Variants in TTLL5 observed in about 807,000 individuals in gnomAD.
The protein encoded by TTLL5 is tubulin polyglutamylase TTLL5.
Under a neutral mutation model 168.4 loss-of-function variants are expected in TTLL5, and 132 were observed. The ratio of observed to expected loss-of-function variants is 0.78; its 90% CI spans 0.68 to 0.91. The LOEUF (loss-of-function observed/expected upper bound fraction) is 0.91, where lower values mean the gene tolerates loss of function less well. Among genes scored for constraint, TTLL5 ranks in the 40% least tolerant of loss-of-function variants. The pLI is 0.00. For synonymous variants in TTLL5, 546 were observed against 558.6 expected, an observed-to-expected ratio of 0.98 and a Z score of 0.32; for missense variants, 1,545 against 1,581.5, an observed-to-expected ratio of 0.98 and a Z score of 0.39.
chr14:75,888,366 G>C (rs1203483935), intron 30 of TTLL5, among the ~76,000 whole-genome samples: 1 of 152,194 alleles, frequency 6.6e-6, no homozygotes, highest in Non-Finnish European at 1.5e-5. Flanking sequence ...TCTCATGCCT[G>C]CCTCCTGGGA....
At chr14:75,666,805 A>G (rs1374029449) in intron 2 of TTLL5, among the ~76,000 whole-genome samples, 1 of 152,194 alleles carries the variant, frequency 6.6e-6, no homozygotes, top group Non-Finnish European at 1.5e-5. Flanking sequence ...AATGATGTCT[A>G]TTTCTCATGA....
intron 27 of TTLL5, among the ~76,000 whole-genome samples, chr14:75,798,321 G>T (rs747555554): frequency 3.3e-5 from 5 of 151,488 alleles, no homozygotes; most frequent in Non-Finnish European, 7.4e-5. Context: ...GAGTTTATTT[G>T]GATCTTCTCT....
chr14:75,681,745 TGG>T, intron 4 of TTLL5, 118 bp downstream of exon 4: 5 of 780,192 alleles, frequency 6.4e-6, no homozygotes, highest in Non-Finnish European at 1.1e-5. Flanking sequence ...CAATGCTTAG[TGG>T]TGGTCCAGAA....
At chr14:75,882,334 C>T (rs959497770) in intron 29 of TTLL5, among the ~76,000 whole-genome samples, 5 of 152,114 alleles carry the variant, frequency 3.3e-5, no homozygotes, top group African/African-American at 1.2e-4. Context: ...CTTCACGCCT[C>T]GAAAGAGACA....
chr14:75,871,515 C>G (rs539763296), intron 29 of TTLL5, among the ~76,000 whole-genome samples: 1 of 151,852 alleles, frequency 6.6e-6, no homozygotes, highest in Non-Finnish European at 1.5e-5. Context: ...ATAAGGCATT[C>G]CAGCATTATT....
chr14:75,934,253 G>C (rs2034367190), intron 31 of TTLL5, among the ~76,000 whole-genome samples: 1 of 152,206 alleles, frequency 6.6e-6, no homozygotes, highest in Admixed American at 6.5e-5. Flanking sequence ...TTACATAAGG[G>C]TATGCCTTCC....
At chr14:75,689,976 G>C in intron 5 of TTLL5, 1 of 468,572 alleles carries the variant, frequency 2.1e-6, no homozygotes, top group Non-Finnish European at 3.7e-6. Context: ...AAATTTTACT[G>C]TATGGAGATT....
Position 75,766,288 on chromosome 14 carries a change from A to G in TTLL5, c.1935A>G (p.Gly645=), listed in dbSNP as rs1017236925. Residue 645 remains glycine (G), a synonymous_variant, in exon 20 of 32, where the codon GGA becomes GGG. Coordinates refer to ENST00000298832, the MANE Select transcript of TTLL5 (RefSeq NM_015072.5). Reference sequence around the variant, plus strand: ...TTCGTGAATGGAATAATAAAGGTGGACACTGCTGCAAACTTGAGACTCAGG... The same window carrying G: ...TTCGTGAATGGAATAATAAAGGTGGGCACTGCTGCAAACTTGAGACTCAGG... ...MKVREWNNKG[G]HCCKLETQEL... is the part of the protein sequence containing the mutation. The G allele has an allele frequency of 1.2e-6, 2 of 1,614,114 alleles. No individual in the cohort carries two copies. Among genetic ancestry groups the G allele is most frequent in the Admixed American group, 1.7e-5 (1 of 60,022 alleles).
intron 27 of TTLL5, among the ~76,000 whole-genome samples, chr14:75,815,208 A>T (rs1354552825): frequency 6.6e-6 from 1 of 152,192 alleles, no homozygotes; most frequent in Non-Finnish European, 1.5e-5. Flanking sequence ...CTAAGAATAG[A>T]ATATTTAATC....
At chr14:75,729,097 T>C (rs1405828839) in intron 12 of TTLL5, among the ~76,000 whole-genome samples, 1 of 152,164 alleles carries the variant, frequency 6.6e-6, no homozygotes, top group East Asian at 1.9e-4. Context: ...GGAAGCTAAG[T>C]TTGCTTTGGT....
At chr14:75,679,809 G>A (rs1318579341) in intron 3 of TTLL5, among the ~76,000 whole-genome samples, 2 of 152,210 alleles carry the variant, frequency 1.3e-5, no homozygotes, top group East Asian at 3.8e-4. Context: ...CAAAGTAATA[G>A]TGACTGATCA....
chr14:75,709,273 T>C, intron 9 of TTLL5: 1 of 745,814 alleles, frequency 1.3e-6, no homozygotes, highest in Non-Finnish European at 2.4e-6. Flanking sequence ...CTCTGACAAC[T>C]ATTATTTTAG....
At chr14:75,673,802 C>G (rs565140243) in intron 3 of TTLL5, among the ~76,000 whole-genome samples, 23 of 152,300 alleles carry the variant, frequency 1.5e-4, no homozygotes, top group Admixed American at 6.5e-5. Context: ...CCTCCTTCCT[C>G]CCCAAGGATC....
intron 30 of TTLL5, among the ~76,000 whole-genome samples, chr14:75,897,121 A>G (rs2032701579): frequency 6.6e-6 from 1 of 152,222 alleles, no homozygotes; most frequent in Non-Finnish European, 1.5e-5. Context: ...TGAAAGGCAC[A>G]GGAGAGCTGT....
intron 31 of TTLL5, among the ~76,000 whole-genome samples, chr14:75,924,619 G>A (rs1178651409): frequency 1.3e-5 from 2 of 151,918 alleles, no homozygotes; most frequent in Non-Finnish European, 2.9e-5. Context: ...CCGATCAACA[G>A]GATCCCAAGG....
At chr14:75,828,855 TA>T (rs1895389311) in intron 28 of TTLL5, among the ~76,000 whole-genome samples, 1 of 152,230 alleles carries the variant, frequency 6.6e-6, no homozygotes, top group Non-Finnish European at 1.5e-5. Flanking sequence ...GTGAAACTGG[TA>T]GTAAGTAATG....
intron 15 of TTLL5, among the ~76,000 whole-genome samples, chr14:75,739,523 C>G (rs1306458839): frequency 1.3e-5 from 2 of 152,074 alleles, no homozygotes; most frequent in African/African-American, 2.4e-5. Flanking sequence ...CCTTTTTAAA[C>G]CATTATCTCT....
Position 75,928,323 on chromosome 14 carries a change from G to A in TTLL5, c.3823+26099G>A, listed in dbSNP as rs1429547985. Among the ~76,000 whole-genome samples, 29 of 69,510 alleles carry A rather than the reference G, an allele frequency of 4.2e-4. No homozygotes were observed. In the Admixed American group the frequency reaches 4.4e-3, roughly 10 times the overall value. 45.6% of individuals were successfully genotyped at this position (69,510 alleles called of 152,430 possible). A position where few individuals can be genotyped will look rare whatever the true frequency, so the allele number is the denominator to read the frequency against. ...TAAATTATGGCACAGCTAGCTCTGT[G>A]ATGAATGAATGACAAAAACATATAT... On this transcript the variant is annotated intron_variant, in intron 31 of 31. Coordinates refer to ENST00000298832, the MANE Select transcript of TTLL5 (RefSeq NM_015072.5).
intron 29 of TTLL5, among the ~76,000 whole-genome samples, chr14:75,872,094 G>T (rs1464415911): frequency 1.3e-5 from 2 of 152,180 alleles, no homozygotes; most frequent in Non-Finnish European, 2.9e-5. Flanking sequence ...TCTTTATTTA[G>T]CCAGTTGAGC....
Sources: gnomAD v4.1 joint callset for allele counts (sites outside exome capture counted in the v4.1 genomes callset) on GRCh38, gnomAD v4.1.1 for gene constraint, MANE v1.5 for transcripts, NCBI Gene and HGNC (gene_info 2026-07-23, HGNC 2026-07-21) for gene names.